OSBPL3: variants seen among roughly 807,000 people sequenced by gnomAD.
OSBPL3 encodes oxysterol binding protein like 3.
In OSBPL3, 65 loss-of-function variants were observed where a neutral mutation model predicts 120.1. The ratio of observed to expected loss-of-function variants is 0.54; its 90% CI spans 0.44 to 0.67. The LOEUF (loss-of-function observed/expected upper bound fraction) is 0.67, where lower values mean the gene tolerates loss of function less well. Among genes scored for constraint, OSBPL3 ranks in the 30% least tolerant of loss-of-function variants. The pLI is 0.00. For synonymous variants in OSBPL3, 416 were observed against 402.6 expected, an observed-to-expected ratio of 1.03 and a Z score of -0.40; for missense variants, 1,004 against 1,082.1, an observed-to-expected ratio of 0.93 and a Z score of 1.01.
chr7:24,865,923 G>T (rs1319304087), intron 6 of OSBPL3, 147 bp downstream of exon 6: 3 of 638,254 alleles, frequency 4.7e-6, no homozygotes, highest in Non-Finnish European at 8.3e-6. Context: ...CTGACTCAGT[G>T]GGCAAACAGA....
intron 1 of OSBPL3, among the ~76,000 whole-genome samples, chr7:24,961,802 T>C (rs1815774340): frequency 6.6e-6 from 1 of 152,190 alleles, no homozygotes; most frequent in African/African-American, 2.4e-5. Flanking sequence ...AGGAGATCTC[T>C]CTAGAAGGGC....
chr7:24,887,656 G>C (rs1804728739), intron 2 of OSBPL3, among the ~76,000 whole-genome samples: 1 of 152,154 alleles, frequency 6.6e-6, no homozygotes, highest in Admixed American at 6.5e-5. Flanking sequence ...GATTGCAACA[G>C]AGAGCTCTTG....
rs116418052 is a variant in OSBPL3 at position 24,944,302 on chromosome 7, T to C, written c.-150+35584A>G. 4.8e-3 allele frequency among the ~76,000 whole-genome samples: 728 copies of C among 152,228 alleles called. 9 individuals carry two copies. The highest frequency in any genetic ancestry group is 0.016 in the African/African-American group (652 of 41,536). On this transcript the variant is annotated intron_variant, in intron 1 of 22. Transcript: ENST00000313367. ...TTACCTGATCATTACTGGGACTAAG[T>C]TGGTGATGTTAAGAAGAAACTCCAA...
In OSBPL3 at chr7:24,821,240, A is replaced by T. The variant is rs779470516; in HGVS notation, c.1885-1002T>A. The stretch of plus-strand genomic sequence containing the variant: ...ACGAAGAGACTGAAACCAGAAAGAT[A>T]AAGTAACATTTCCCAAGCCACACCA... On this transcript the variant is annotated intron_variant, in intron 16 of 22. Transcript: ENST00000313367. The surrounding 1 kb of genome is among the most constrained non-coding windows in gnomAD (Gnocchi z 5.5). Among the ~76,000 whole-genome samples the T allele has an allele frequency of 2.8e-4, 43 of 152,260 alleles. No homozygotes were observed. The highest frequency in any genetic ancestry group is 5.7e-4 in the Non-Finnish European group (39 of 68,042).
At position 24,817,007 on chromosome 7, in the gene OSBPL3, C is replaced by T. The variant is rs750536726; in HGVS notation, c.1949-319G>A. ...AATGAAACCTGAGAAGAAGGAGTGA[C>T]GAATATGCTTGGAGAAAGCATCAGA... On this transcript the variant is annotated intron_variant, in intron 17 of 22. Coordinates refer to ENST00000313367, the MANE Select transcript of OSBPL3 (RefSeq NM_015550.4). This position sits in a 1 kb window ranked among gnomAD's most constrained non-coding sequence, Gnocchi z 4.0. Among the ~76,000 whole-genome samples, 11 of 152,008 alleles carry T rather than the reference C, an allele frequency of 7.2e-5. No individual in the cohort carries two copies. The highest frequency in any genetic ancestry group is 2.4e-4 in the African/African-American group (10 of 41,368).
Position 24,883,736 on chromosome 7 carries a change from G to A in OSBPL3, c.96+8641C>T, listed in dbSNP as rs1421250155. On this transcript the variant is annotated intron_variant, in intron 2 of 22. Transcript: ENST00000313367. This position sits in a 1 kb window ranked among gnomAD's most constrained non-coding sequence, Gnocchi z 5.4. Reference sequence around the variant, plus strand: ...TTCAGTTTCTCGTGATCTTCAGAGTGTGGAATGCAGCTGACAGTCTGTCAT... The same window carrying A: ...TTCAGTTTCTCGTGATCTTCAGAGTATGGAATGCAGCTGACAGTCTGTCAT... 3.3e-5 allele frequency among the ~76,000 whole-genome samples: 5 copies of A among 152,216 alleles called. No individual in the cohort carries two copies. Among genetic ancestry groups the A allele is most frequent in the Non-Finnish European group, 7.3e-5 (5 of 68,044 alleles).
rs552643986 is a variant in OSBPL3, at chr7:24,925,286, T to A, written c.-149-32665A>T. Among the ~76,000 whole-genome samples the A allele has an allele frequency of 2.0e-5, 3 of 152,322 alleles. No homozygotes were observed. In the South Asian group the frequency reaches 6.2e-4, roughly 32 times the overall value. On this transcript the variant is annotated intron_variant, in intron 1 of 22. Transcript: ENST00000313367. ...AGGGTGGGTGGTTAGCCTTCTGGGC[T>A]GACACGGGCATGCACATCTGACTTT... is the stretch of plus-strand genomic sequence containing the variant.
At chr7:24,864,724 G>T (rs186870097) in intron 7 of OSBPL3, among the ~76,000 whole-genome samples, 11 of 152,212 alleles carry the variant, frequency 7.2e-5, no homozygotes, top group Admixed American at 6.5e-4. Flanking sequence ...TCCCAGTCCC[G>T]CTGTGGATCT....
intron 1 of OSBPL3, among the ~76,000 whole-genome samples, chr7:24,902,469 G>A (rs1341111072): frequency 6.6e-6 from 1 of 152,000 alleles, no homozygotes; most frequent in Non-Finnish European, 1.5e-5. Flanking sequence ...TCGTTCAGTT[G>A]TTTCTGACTC....
chr7:24,901,255 A>G (rs1042703424), intron 1 of OSBPL3, among the ~76,000 whole-genome samples: 36 of 150,490 alleles, frequency 2.4e-4, no homozygotes, highest in African/African-American at 8.2e-4. Context: ...TGAACCCAGG[A>G]GGTGGAGCTG....
chr7:24,863,827 C>A lies in OSBPL3; in HGVS notation c.674-228G>T, dbSNP rs906955098. Among the ~76,000 whole-genome samples, 2 of 152,136 alleles carry A rather than the reference C, an allele frequency of 1.3e-5. No homozygotes were observed. Among genetic ancestry groups the A allele is most frequent in the African/African-American group, 4.8e-5 (2 of 41,446 alleles). Reference sequence around the variant, plus strand: ...CTTCAGTTTGAATCCACTTAATGAACTGTAACTATTGAGAAAATTGCAAAA... The same window carrying A: ...CTTCAGTTTGAATCCACTTAATGAAATGTAACTATTGAGAAAATTGCAAAA... On this transcript the variant is annotated intron_variant, in intron 7 of 22. Transcript: ENST00000313367. The surrounding 1 kb of genome is among the most constrained non-coding windows in gnomAD (Gnocchi z 5.8).
chr7:24,907,163 T>C (rs1472563833), intron 1 of OSBPL3, among the ~76,000 whole-genome samples: 1 of 152,172 alleles, frequency 6.6e-6, no homozygotes, highest in East Asian at 1.9e-4. Context: ...TAGACCACCA[T>C]TAGGCCCTGC....
intron 2 of OSBPL3, among the ~76,000 whole-genome samples, chr7:24,882,441 T>C (rs1375188274): frequency 6.6e-6 from 1 of 152,248 alleles, no homozygotes; most frequent in East Asian, 1.9e-4. Flanking sequence ...GATTTCACTC[T>C]TTTTGATGGC....
chr7:24,843,893 T>C (rs954331220), intron 12 of OSBPL3, among the ~76,000 whole-genome samples: 2 of 152,208 alleles, frequency 1.3e-5, no homozygotes, highest in Non-Finnish European at 2.9e-5. Flanking sequence ...AAGAGAATAG[T>C]CCTGTGTCTT....
chr7:24,917,446 T>TATATATTTGTAACATATATATATACAC (rs1366145573), intron 1 of OSBPL3, among the ~76,000 whole-genome samples: 1 of 122,230 alleles, frequency 8.2e-6, no homozygotes, highest in African/African-American at 3.1e-5. Context: ...TATATATATA[T>TATATATTTGTAACATATATATATACAC]ACACACACAT....
At chr7:24,917,446 T>TATATTTGTAACATATATATATATAC (rs1366145573) in intron 1 of OSBPL3, among the ~76,000 whole-genome samples, 7 of 122,220 alleles carry the variant, frequency 5.7e-5, no homozygotes, top group South Asian at 6.0e-4. Flanking sequence ...TATATATATA[T>TATATTTGTAACATATATATATATAC]ACACACACAT....
At chr7:24,928,194 GTT>G (rs58340103) in intron 1 of OSBPL3, among the ~76,000 whole-genome samples, 1 of 135,634 alleles carries the variant, frequency 7.4e-6, no homozygotes, top group Non-Finnish European at 1.5e-5. Context: ...CTTCCTTTTT[GTT>G]TTTTTTTTTT....
chr7:24,905,415 G>T (rs1333880089), intron 1 of OSBPL3, among the ~76,000 whole-genome samples: 1 of 152,284 alleles, frequency 6.6e-6, no homozygotes, highest in Non-Finnish European at 1.5e-5. Context: ...AGTAAGCTAT[G>T]CCGGATGAGG....
Position 24,833,077 on chromosome 7 carries a change from T to G in OSBPL3, c.1746+1409A>C, listed in dbSNP as rs1417575913. Reference sequence around the variant, plus strand: ...TCCACAAATGCTGACTTTTAACACTTGCTTAGAAGCTATTTCTAGAAGATT... The same window carrying G: ...TCCACAAATGCTGACTTTTAACACTGGCTTAGAAGCTATTTCTAGAAGATT... On this transcript the variant is annotated intron_variant, in intron 15 of 22. Coordinates refer to ENST00000313367, the MANE Select transcript of OSBPL3 (RefSeq NM_015550.4). The surrounding 1 kb of genome is among the most constrained non-coding windows in gnomAD (Gnocchi z 4.4). Among the ~76,000 whole-genome samples the G allele has an allele frequency of 2.6e-5, 4 of 152,256 alleles. No individual in the cohort carries two copies. Among genetic ancestry groups the G allele is most frequent in the African/African-American group, 9.6e-5 (4 of 41,476 alleles).
Sources: allele counts gnomAD v4.1 joint callset (sites outside exome capture counted in the v4.1 genomes callset), GRCh38; gene constraint gnomAD v4.1.1; non-coding constraint Gnocchi (gnomAD v3.1); transcripts MANE v1.5; gene names NCBI Gene and HGNC (gene_info 2026-07-23, HGNC 2026-07-21).